SOX2: variants seen among roughly 807,000 people sequenced by gnomAD.
SOX2 encodes the protein SRY-box transcription factor 2, also known as transcription factor SOX-2.
A neutral mutation model predicts 19.7 loss-of-function variants in SOX2; 2 were observed. The ratio of observed to expected loss-of-function variants is 0.10; its 90% CI spans 0.04 to 0.32. The LOEUF (loss-of-function observed/expected upper bound fraction) is 0.32, where lower values mean the gene tolerates loss of function less well. SOX2 is among the 10% of genes least tolerant of loss of function. SOX2 has a pLI of 1.00. For missense variants in SOX2, 294 were observed against 459.9 expected (o/e 0.64, Z 3.30); for synonymous variants, 211 against 196.8 (o/e 1.07, Z -0.60).
Position 181,712,912 on chromosome 3 carries a change from G to A in SOX2, c.552G>A (p.Pro184=), listed in dbSNP as rs780758587. 3 of 1,613,178 alleles carry A rather than the reference G, an allele frequency of 1.9e-6. No homozygotes were observed. Among genetic ancestry groups the A allele is most frequent in the Non-Finnish European group, 2.5e-6 (3 of 1,179,778 alleles). The part of the protein sequence containing the change: ...MQDQLGYPQH[P]GLNAHGAAQM... The stretch of plus-strand genomic sequence containing the variant: ...ACCAGCTGGGCTACCCGCAGCACCC[G>A]GGCCTCAATGCGCACGGCGCAGCGC... Residue 184 remains proline, a synonymous_variant, in exon 1 of 1, where the codon CCG becomes CCA. Transcript: ENST00000325404. This position sits in a 1 kb window ranked among gnomAD's most constrained non-coding sequence, Gnocchi z 8.5.
chr3:181,712,465 A>T lies in SOX2; in HGVS notation c.105A>T (p.Lys35Asn), dbSNP rs769570510. The T allele has an allele frequency of 6.2e-7, 1 of 1,612,948 alleles. No individual in the cohort carries two copies. Among genetic ancestry groups the T allele is most frequent in the South Asian group, 1.1e-5 (1 of 91,060 alleles). ...STAAAAGGNQ[K>N]NSPDRVKRPM... ...CGGCGGCGGCCGGCGGCAACCAGAAAAACAGCCCGGACCGCGTCAAGCGGC... is the reference window on the plus strand; with the variant it reads ...CGGCGGCGGCCGGCGGCAACCAGAATAACAGCCCGGACCGCGTCAAGCGGC... The change falls in exon 1 of 1, where the codon AAA becomes AAT. Residue 35 changes from lysine to asparagine, a missense_variant. Lys to Asn is a moderately conservative substitution (Grantham distance 94, BLOSUM62 0). Coordinates refer to ENST00000325404, the MANE Select transcript of SOX2 (RefSeq NM_003106.4). This position sits in a 1 kb window ranked among gnomAD's most constrained non-coding sequence, Gnocchi z 8.5.
chr3:181,713,183 A>G lies in SOX2; in HGVS notation c.823A>G (p.Ser275Gly). The G allele has an allele frequency of 1.2e-6, 2 of 1,613,326 alleles. No individual in the cohort carries two copies. Among genetic ancestry groups the G allele is most frequent in the Non-Finnish European group, 1.7e-6 (2 of 1,180,012 alleles). ...CQAGDLRDMI[S>G]MYLPGAEVPE... ...GGCCGGGGACCTCCGGGACATGATCAGCATGTATCTCCCCGGCGCCGAGGT... is the reference window on the plus strand; with the variant it reads ...GGCCGGGGACCTCCGGGACATGATCGGCATGTATCTCCCCGGCGCCGAGGT... Residue 275 changes from serine (S) to glycine (G), a missense_variant, in exon 1 of 1, where the codon AGC becomes GGC. Ser to Gly is a moderately conservative substitution (Grantham distance 56). Coordinates refer to ENST00000325404, the MANE Select transcript of SOX2 (RefSeq NM_003106.4).
Position 181,713,411 on chromosome 3 carries a change from A to G in SOX2, c.*97A>G. 6.9e-7 allele frequency: 1 copy of G among 1,458,232 alleles called. No homozygotes were observed. The highest frequency in any genetic ancestry group is 1.2e-5 in the South Asian group (1 of 81,682). 90.3% of individuals were successfully genotyped at this position (1,458,232 alleles called of 1,614,324 possible). ...AGGAGAGTAAGAAACAGCATGGAGA[A>G]AACCCGGTACGCTCAAAAAGAAAAA... On this transcript the variant is annotated 3_prime_UTR_variant, in exon 1 of 1. Transcript: ENST00000325404.
In SOX2 at chr3:181,712,229, G is replaced by A; in HGVS notation, c.-132G>A. Reference sequence around the variant, plus strand: ...AATTATTCTTCGCCTGATTTTCCTCGCGGAGCCCTGCGCTCCCGACACCCC... The same window carrying A: ...AATTATTCTTCGCCTGATTTTCCTCACGGAGCCCTGCGCTCCCGACACCCC... On this transcript the variant is annotated 5_prime_UTR_variant, in exon 1 of 1. Coordinates refer to ENST00000325404, the MANE Select transcript of SOX2 (RefSeq NM_003106.4). This position sits in a 1 kb window ranked among gnomAD's most constrained non-coding sequence, Gnocchi z 8.5. The A allele has an allele frequency of 1.7e-6, 1 of 591,924 alleles. No homozygotes were observed. Among genetic ancestry groups the A allele is most frequent in the Non-Finnish European group, 2.5e-6 (1 of 403,812 alleles). The allele number at this position is 591,924 out of a possible 1,614,324, so 36.7% of individuals were successfully genotyped here.
Position 181,713,051 on chromosome 3 carries a change from G to A in SOX2, c.691G>A (p.Gly231Ser), listed in dbSNP as rs1234964804. 2 of 1,613,786 alleles carry A rather than the reference G, an allele frequency of 1.2e-6. No homozygotes were observed. The highest frequency in any genetic ancestry group is 1.3e-5 in the African/African-American group (1 of 75,050). The change falls in exon 1 of 1, where the codon GGC becomes AGC. Residue 231 changes from glycine to serine, a missense_variant. Physicochemically the swap from Gly to Ser is moderately conservative, Grantham distance 56. This residue lies in a region of SOX2 where 223 missense variants were observed against 292.7 expected (regional missense o/e 0.76). Transcript: ENST00000325404. ...PTYSMSYSQQ[G>S]TPGMALGSMG... ...CTACAGCATGTCCTACTCGCAGCAG[G>A]GCACCCCTGGCATGGCTCTTGGCTC... is the stretch of plus-strand genomic sequence containing the variant.
rs552408223 is a variant in SOX2, at chr3:181,714,283, G to T, written c.*969G>T. 7 of 237,728 alleles carry T rather than the reference G, an allele frequency of 2.9e-5. No homozygotes were observed. Among genetic ancestry groups the T allele is most frequent in the Non-Finnish European group, 4.5e-5 (5 of 111,832 alleles). 14.7% of individuals were successfully genotyped at this position (237,728 alleles called of 1,614,324 possible). A position where few individuals can be genotyped will look rare whatever the true frequency, so the allele number is the denominator to read the frequency against. On this transcript the variant is annotated 3_prime_UTR_variant, in exon 1 of 1. Transcript: ENST00000325404. The stretch of plus-strand genomic sequence containing the variant: ...TATTTTCCGTAGTTGTATTTTAAAA[G>T]ATTCGGCTCTGTATTATTTGAATCA...
Position 181,712,380 on chromosome 3 carries a change from C to T in SOX2, c.20C>T (p.Thr7Met), listed in dbSNP as rs1714834018. MYNMME[T>M]ELKPPGPQQT... ...GCCCGCATGTACAACATGATGGAGA[C>T]GGAGCTGAAGCCGCCGGGCCCGCAG... The change falls in exon 1 of 1, where the codon ACG becomes ATG. Residue 7 changes from threonine to methionine, a missense_variant. Transcript: ENST00000325404. This position sits in a 1 kb window ranked among gnomAD's most constrained non-coding sequence, Gnocchi z 8.5. The T allele has an allele frequency of 3.2e-6, 5 of 1,556,286 alleles. No individual in the cohort carries two copies. Among genetic ancestry groups the T allele is most frequent in the Middle Eastern group, 2.0e-4 (1 of 5,078 alleles).
chr3:181,712,091 C>T lies in SOX2; in HGVS notation c.-270C>T. Reference sequence around the variant, plus strand: ...GAGAAGTTTGAGCCCCAGGCTTAAGCCTTTCCAAAAAATAATAATAACAAT... The same window carrying T: ...GAGAAGTTTGAGCCCCAGGCTTAAGTCTTTCCAAAAAATAATAATAACAAT... On this transcript the variant is annotated 5_prime_UTR_variant, in exon 1 of 1. Coordinates refer to ENST00000325404, the MANE Select transcript of SOX2 (RefSeq NM_003106.4). This position sits in a 1 kb window ranked among gnomAD's most constrained non-coding sequence, Gnocchi z 8.5. 1 of 366,834 alleles carries T rather than the reference C, an allele frequency of 2.7e-6. No homozygotes were observed. Among genetic ancestry groups the T allele is most frequent in the Non-Finnish European group, 4.8e-6 (1 of 207,886 alleles). The allele number at this position is 366,834 out of a possible 1,614,324, so 22.7% of individuals were successfully genotyped here. A position where few individuals can be genotyped will look rare whatever the true frequency, so the allele number is the denominator to read the frequency against.
rs1714883443 is a variant in SOX2, at chr3:181,713,298, C to T, written c.938C>T (p.Pro313Leu). The part of the protein sequence containing the change: ...VPGTAINGTL[P>L]LSHM ...GGCACGGCCATTAACGGCACACTGC[C>T]CCTCTCACACATGTGAGGGCCGGAC... The change falls in exon 1 of 1, where the codon CCC becomes CTC. Residue 313 changes from proline (P) to leucine (L), a missense_variant. Physicochemically the swap from Pro to Leu is moderately conservative, Grantham distance 98 (BLOSUM62 -3). Coordinates refer to ENST00000325404, the MANE Select transcript of SOX2 (RefSeq NM_003106.4). The T allele has an allele frequency of 6.3e-7, 1 of 1,579,950 alleles. No individual in the cohort carries two copies. The highest frequency in any genetic ancestry group is 8.6e-7 in the Non-Finnish European group (1 of 1,163,094).
At position 181,713,225 on chromosome 3, in the gene SOX2, C is replaced by T; in HGVS notation, c.865C>T (p.Pro289Ser). The T allele has an allele frequency of 6.2e-7, 1 of 1,612,558 alleles. No individual in the cohort carries two copies. Among genetic ancestry groups the T allele is most frequent in the Non-Finnish European group, 8.5e-7 (1 of 1,179,822 alleles). ...CGCCGAGGTGCCGGAACCCGCCGCC[C>T]CCAGCAGACTTCACATGTCCCAGCA... ...PGAEVPEPAAPSRLHMSQHYQ... is the reference protein window; with the variant it reads ...PGAEVPEPAASSRLHMSQHYQ... The change falls in exon 1 of 1, where the codon CCC (proline) becomes TCC (serine). Residue 289 changes from proline (P) to serine (S), a missense_variant. Pro to Ser is a moderately conservative substitution (Grantham distance 74). This residue lies in a region of SOX2 where 223 missense variants were observed against 292.7 expected (regional missense o/e 0.76). Coordinates refer to ENST00000325404, the MANE Select transcript of SOX2 (RefSeq NM_003106.4).
In SOX2 at chr3:181,712,459, C is replaced by T. The variant is rs776620962; in HGVS notation, c.99C>T (p.Asn33=). The part of the protein sequence containing the change: ...GNSTAAAAGG[N]QKNSPDRVKR... ...CCACCGCGGCGGCGGCCGGCGGCAA[C>T]CAGAAAAACAGCCCGGACCGCGTCA... The change falls in exon 1 of 1, where the codon AAC becomes AAT. Residue 33 remains asparagine (N), a synonymous_variant. Coordinates refer to ENST00000325404, the MANE Select transcript of SOX2 (RefSeq NM_003106.4). The surrounding 1 kb of genome is among the most constrained non-coding windows in gnomAD (Gnocchi z 8.5). The T allele has an allele frequency of 6.2e-7, 1 of 1,612,002 alleles. No individual in the cohort carries two copies. The highest frequency in any genetic ancestry group is 2.2e-5 in the East Asian group (1 of 44,774).
Position 181,712,813 on chromosome 3 carries a change from G to T in SOX2, c.453G>T (p.Ala151=), listed in dbSNP as rs74480245. The stretch of plus-strand genomic sequence containing the variant: ...TCGGGGTGGGCGCCGGCCTGGGCGC[G>T]GGCGTGAACCAGCGCATGGACAGTT... The part of the protein sequence containing the change: ...SGVGVGAGLG[A]GVNQRMDSYA... The change falls in exon 1 of 1, where the codon GCG becomes GCT. Residue 151 remains alanine (A), a synonymous_variant. Coordinates refer to ENST00000325404, the MANE Select transcript of SOX2 (RefSeq NM_003106.4). The surrounding 1 kb of genome is among the most constrained non-coding windows in gnomAD (Gnocchi z 8.5). The T allele has an allele frequency of 6.2e-7, 1 of 1,601,834 alleles. No homozygotes were observed. Among genetic ancestry groups the T allele is most frequent in the East Asian group, 2.3e-5 (1 of 44,276 alleles).
In SOX2 at chr3:181,712,261, C is replaced by A; in HGVS notation, c.-100C>A. The stretch of plus-strand genomic sequence containing the variant: ...CCTGCGCTCCCGACACCCCCGCCCG[C>A]CTCCCCTCCTCCTCTCCCCCCGCCC... On this transcript the variant is annotated 5_prime_UTR_variant, in exon 1 of 1. Transcript: ENST00000325404. This position sits in a 1 kb window ranked among gnomAD's most constrained non-coding sequence, Gnocchi z 8.5. 1.0e-6 allele frequency: 1 copy of A among 957,266 alleles called. No individual in the cohort carries two copies. Among genetic ancestry groups the A allele is most frequent in the Non-Finnish European group, 1.4e-6 (1 of 732,404 alleles). The allele number at this position is 957,266 out of a possible 1,614,324, so 59.3% of individuals were successfully genotyped here. A position where few individuals can be genotyped will look rare whatever the true frequency, so the allele number is the denominator to read the frequency against.
rs781707393 is a variant in SOX2 at position 181,712,423 on chromosome 3, C to T, written c.63C>T (p.Gly21=). 1.3e-6 allele frequency: 2 copies of T among 1,598,586 alleles called. No homozygotes were observed. Among genetic ancestry groups the T allele is most frequent in the East Asian group, 2.3e-5 (1 of 44,078 alleles). ...GCCCGCAGCAAACTTCGGGGGGCGGCGGCGGCAACTCCACCGCGGCGGCGG... is the reference window on the plus strand; with the variant it reads ...GCCCGCAGCAAACTTCGGGGGGCGGTGGCGGCAACTCCACCGCGGCGGCGG... ...PPGPQQTSGG[G]GGNSTAAAAG... Residue 21 remains glycine, a synonymous_variant, in exon 1 of 1, where the codon GGC becomes GGT. Coordinates refer to ENST00000325404, the MANE Select transcript of SOX2 (RefSeq NM_003106.4). The surrounding 1 kb of genome is among the most constrained non-coding windows in gnomAD (Gnocchi z 8.5).
chr3:181,712,463 A>C lies in SOX2; in HGVS notation c.103A>C (p.Lys35Gln). 1 of 1,612,692 alleles carries C rather than the reference A, an allele frequency of 6.2e-7. No homozygotes were observed. Residue 35 changes from lysine to glutamine, a missense_variant, in exon 1 of 1, where the codon AAA (lysine) becomes CAA (glutamine). Around this residue, in one of 3 missense-constraint regions of SOX2, gnomAD observed 51 missense variants for 54.9 expected, o/e 0.93. Transcript: ENST00000325404. The surrounding 1 kb of genome is among the most constrained non-coding windows in gnomAD (Gnocchi z 8.5). Reference protein sequence around the residue: ...STAAAAGGNQKNSPDRVKRPM... With the variant: ...STAAAAGGNQQNSPDRVKRPM... ...CGCGGCGGCGGCCGGCGGCAACCAG[A>C]AAAACAGCCCGGACCGCGTCAAGCG...
At position 181,711,928 on chromosome 3, in the gene SOX2, G is replaced by A. The variant is rs1006308193; in HGVS notation, c.-433G>A. ...CCCTGACAGCCCCCGTCACATGGAT[G>A]GTTGTCTATTAACTTGTTCAAAAAA... On this transcript the variant is annotated 5_prime_UTR_variant, in exon 1 of 1. An upstream start codon of the reference 5' UTR is lost. Transcript: ENST00000325404. 1 of 234,722 alleles carries A rather than the reference G, an allele frequency of 4.3e-6. No homozygotes were observed. Among genetic ancestry groups the A allele is most frequent in the Non-Finnish European group, 8.4e-6 (1 of 119,392 alleles). The allele number at this position is 234,722 out of a possible 1,614,324, so 14.5% of individuals were successfully genotyped here. A position where few individuals can be genotyped will look rare whatever the true frequency, so the allele number is the denominator to read the frequency against.
Position 181,712,555 on chromosome 3 carries a change from G to A in SOX2, c.195G>A (p.Lys65=), listed in dbSNP as rs1714844693. The change falls in exon 1 of 1, where the codon AAG becomes AAA. Residue 65 remains lysine, a synonymous_variant. Transcript: ENST00000325404. The surrounding 1 kb of genome is among the most constrained non-coding windows in gnomAD (Gnocchi z 8.5). ...GCAAGATGGCCCAGGAGAACCCCAA[G>A]ATGCACAACTCGGAGATCAGCAAGC... ...QRRKMAQENP[K]MHNSEISKRL... 1 of 1,614,216 alleles carries A rather than the reference G, an allele frequency of 6.2e-7. No homozygotes were observed. The highest frequency in any genetic ancestry group is 1.3e-5 in the African/African-American group (1 of 75,066).
At position 181,713,014 on chromosome 3, in the gene SOX2, C is replaced by G; in HGVS notation, c.654C>G (p.Asn218Lys). The G allele has an allele frequency of 6.2e-7, 1 of 1,613,924 alleles. No individual in the cohort carries two copies. Residue 218 changes from asparagine to lysine, a missense_variant, in exon 1 of 1, where the codon AAC becomes AAG. By Grantham distance (94) the Asn-to-Lys change is moderately conservative. Coordinates refer to ENST00000325404, the MANE Select transcript of SOX2 (RefSeq NM_003106.4). The stretch of plus-strand genomic sequence containing the variant: ...TGACCAGCTCGCAGACCTACATGAA[C>G]GGCTCGCCCACCTACAGCATGTCCT... Reference protein sequence around the residue: ...NSMTSSQTYMNGSPTYSMSYS... With the variant: ...NSMTSSQTYMKGSPTYSMSYS...
At position 181,713,519 on chromosome 3, in the gene SOX2, G is replaced by C; in HGVS notation, c.*205G>C. ...TCCCATCCACACTCACGCAAAAACCGCGATGCCGACAAGAAAACTTTTATG... is the reference window on the plus strand; with the variant it reads ...TCCCATCCACACTCACGCAAAAACCCCGATGCCGACAAGAAAACTTTTATG... On this transcript the variant is annotated 3_prime_UTR_variant, in exon 1 of 1. Coordinates refer to ENST00000325404, the MANE Select transcript of SOX2 (RefSeq NM_003106.4). 1.5e-6 allele frequency: 1 copy of C among 669,442 alleles called. No homozygotes were observed. The highest frequency in any genetic ancestry group is 2.5e-6 in the Non-Finnish European group (1 of 392,848). The allele number at this position is 669,442 out of a possible 1,614,324, so 41.5% of individuals were successfully genotyped here. A position where few individuals can be genotyped will look rare whatever the true frequency, so the allele number is the denominator to read the frequency against.
Sources: gnomAD v4.1 joint callset for allele counts on GRCh38, gnomAD v4.1.1 for gene constraint, gnomAD v4.1.1 regional missense constraint, Gnocchi (gnomAD v3.1) non-coding constraint, MANE v1.5 for transcripts, NCBI Gene and HGNC (gene_info 2026-07-23, HGNC 2026-07-21) for gene names.